EPHB1: variants seen among roughly 807,000 people sequenced by gnomAD.
EPHB1 encodes the protein EPH receptor B1.
A neutral mutation model predicts 94.4 loss-of-function variants in EPHB1; 30 were observed. The ratio of observed to expected loss-of-function variants is 0.32; its 90% CI spans 0.24 to 0.43. EPHB1 has a LOEUF of 0.43. EPHB1 is among the 20% of genes least tolerant of loss of function. The probability of loss-of-function intolerance (pLI) is 1.00; values close to 1 mark genes in which losing one functional copy is unlikely to be tolerated. For missense variants in EPHB1, 1,055 were observed against 1,308.3 expected (o/e 0.81, Z 2.99); for synonymous variants, 522 against 489.1 (o/e 1.07, Z -0.89).
chr3:135,134,440 G>A (rs186688793), intron 5 of EPHB1, among the ~76,000 whole-genome samples: 6 of 152,232 alleles, frequency 3.9e-5, no homozygotes, highest in East Asian at 3.9e-4. Flanking sequence ...AAAAGGTGTC[G>A]TAGGAGAGCA....
chr3:135,127,060 T>C (rs996212240), intron 4 of EPHB1, among the ~76,000 whole-genome samples: 4 of 152,210 alleles, frequency 2.6e-5, no homozygotes, highest in Non-Finnish European at 4.4e-5. Flanking sequence ...AGGCATGTCA[T>C]CTCATTAAAT....
At chr3:134,966,887 C>T (rs540207434) in intron 3 of EPHB1, among the ~76,000 whole-genome samples, 14 of 152,352 alleles carry the variant, frequency 9.2e-5, no homozygotes, top group African/African-American at 2.6e-4. Context: ...AACAGGGCCC[C>T]GCTCTGGCCC....
intron 10 of EPHB1, among the ~76,000 whole-genome samples, chr3:135,185,119 G>T (rs575838973): frequency 6.6e-6 from 1 of 151,248 alleles, no homozygotes; most frequent in East Asian, 1.9e-4. Flanking sequence ...GACTCTAGCA[G>T]CTAGTGATTC....
Position 135,248,635 on chromosome 3 carries a change from T to C in EPHB1, c.2690+126T>C, listed in dbSNP as rs969987326. On this transcript the variant is annotated intron_variant, in intron 14 of 15. Coordinates refer to ENST00000398015, the MANE Select transcript of EPHB1 (RefSeq NM_004441.5). ...GTATCTAGTTGCAGTGTGGGCCTTA[T>C]GTTGAGGAGAGCAACATGCATGAAG... 1.4e-5 allele frequency: 12 copies of C among 877,114 alleles called. No homozygotes were observed. The African/African-American group carries it at 1.7e-4, about 12-fold the overall frequency. 54.3% of individuals were successfully genotyped at this position (877,114 alleles called of 1,614,324 possible).
At chr3:134,927,810 A>G (rs868334690) in intron 2 of EPHB1, among the ~76,000 whole-genome samples, 3 of 152,104 alleles carry the variant, frequency 2.0e-5, no homozygotes, top group Admixed American at 6.5e-5. Context: ...CCTTTCCCCA[A>G]CACTCATTGT....
At chr3:135,035,435 C>T (rs1445989359) in intron 3 of EPHB1, among the ~76,000 whole-genome samples, 2 of 152,180 alleles carry the variant, frequency 1.3e-5, no homozygotes, top group Admixed American at 6.5e-5. Flanking sequence ...TTATTCCAAG[C>T]CAGTATTTCC....
At chr3:135,101,281 C>T (rs1029044541) in intron 3 of EPHB1, among the ~76,000 whole-genome samples, 1 of 152,192 alleles carries the variant, frequency 6.6e-6, no homozygotes, top group South Asian at 2.1e-4. Flanking sequence ...TGTTCTTCCA[C>T]CTCTTTTCTT....
At chr3:135,046,264 G>A (rs1415689421) in intron 3 of EPHB1, among the ~76,000 whole-genome samples, 1 of 152,220 alleles carries the variant, frequency 6.6e-6, no homozygotes, top group African/African-American at 2.4e-5. Context: ...TCTAGCAAGT[G>A]CTTTGTTCTT....
At chr3:134,877,396 C>A (rs972080107) in intron 1 of EPHB1, among the ~76,000 whole-genome samples, 1 of 152,168 alleles carries the variant, frequency 6.6e-6, no homozygotes, top group Non-Finnish European at 1.5e-5. Flanking sequence ...CCCCCTGACC[C>A]CCACAGCAGG....
intron 15 of EPHB1, among the ~76,000 whole-genome samples, chr3:135,255,037 G>T (rs570556820): frequency 8.5e-5 from 13 of 152,280 alleles, no homozygotes; most frequent in Non-Finnish European, 1.2e-4. Flanking sequence ...ATGGTAGTTT[G>T]TATTTCTGTG....
intron 1 of EPHB1, among the ~76,000 whole-genome samples, chr3:134,863,870 C>T (rs1189879728): frequency 6.6e-6 from 1 of 152,204 alleles, no homozygotes; most frequent in African/African-American, 2.4e-5. Flanking sequence ...AGCCCTGGCT[C>T]CTGGGGAGTT....
chr3:135,141,189 G>T (rs1446374537), intron 5 of EPHB1, among the ~76,000 whole-genome samples: 2 of 137,158 alleles, frequency 1.5e-5, no homozygotes, highest in African/African-American at 5.5e-5. Flanking sequence ...AAGAGCAAAC[G>T]CTTTCACCAT....
intron 3 of EPHB1, among the ~76,000 whole-genome samples, chr3:135,087,773 G>A (rs529563012): frequency 1.7e-4 from 26 of 152,252 alleles, no homozygotes; most frequent in Middle Eastern, 3.4e-3. Context: ...GGAAGAGTTC[G>A]CATCAGTGAA....
rs984758805 is a variant in EPHB1, at chr3:134,987,560, C to T, written c.805+35508C>T. On this transcript the variant is annotated intron_variant, in intron 3 of 15. Coordinates refer to ENST00000398015, the MANE Select transcript of EPHB1 (RefSeq NM_004441.5). ...GGATCACGAGGTCAGGAGATCGAGA[C>T]CATCCTGGCTAACACGGTGAAACCT... Among the ~76,000 whole-genome samples the T allele has an allele frequency of 2.6e-5, 4 of 152,178 alleles. No individual in the cohort carries two copies. In the East Asian group the frequency reaches 7.7e-4, roughly 29 times the overall value.
At chr3:134,827,390 T>TC (rs2036503821) in intron 1 of EPHB1, among the ~76,000 whole-genome samples, 2 of 141,584 alleles carry the variant, frequency 1.4e-5, no homozygotes, top group Non-Finnish European at 3.1e-5. Flanking sequence ...CACACACACA[T>TC]ACACACACAC....
At position 134,995,231 on chromosome 3, in the gene EPHB1, T is replaced by C. The variant is rs1934951146; in HGVS notation, c.805+43179T>C. ...GTGCTGTATAAATGGAATCATATGG[T>C]ATGTTACCTTCAGGGATGGGCTTTT... On this transcript the variant is annotated intron_variant, in intron 3 of 15. Coordinates refer to ENST00000398015, the MANE Select transcript of EPHB1 (RefSeq NM_004441.5). Among the ~76,000 whole-genome samples the C allele has an allele frequency of 2.6e-5, 4 of 152,236 alleles. No homozygotes were observed. The South Asian group carries it at 8.3e-4, about 32-fold the overall frequency.
chr3:134,813,410 G>T (rs1448796459), intron 1 of EPHB1, among the ~76,000 whole-genome samples: 1 of 152,166 alleles, frequency 6.6e-6, no homozygotes, highest in Non-Finnish European at 1.5e-5. Context: ...ATTCCCAAGG[G>T]TCCTGCTTCT....
At chr3:134,955,071 CTTTTTT>C (rs1197013147) in intron 3 of EPHB1, among the ~76,000 whole-genome samples, 106 of 8,394 alleles carry the variant, frequency 0.013, no homozygotes, top group African/African-American at 0.038. Context: ...GACATCCTTT[CTTTTTT>C]TTTTTTTTTT....
chr3:135,057,300 G>A (rs1313718739), intron 3 of EPHB1, among the ~76,000 whole-genome samples: 1 of 152,136 alleles, frequency 6.6e-6, no homozygotes, highest in Non-Finnish European at 1.5e-5. Context: ...GGGATGGAGA[G>A]GAGACTCCAT....
Sources: gnomAD v4.1 joint callset for allele counts (sites outside exome capture counted in the v4.1 genomes callset) on GRCh38, gnomAD v4.1.1 for gene constraint, MANE v1.5 for transcripts, NCBI Gene and HGNC (gene_info 2026-07-23, HGNC 2026-07-21) for gene names.